DNAH3: variants seen among roughly 807,000 people sequenced by gnomAD.
The protein encoded by DNAH3 is dynein axonemal heavy chain 3, also known as axonemal beta dynein heavy chain 3.
Under a neutral mutation model 432.5 loss-of-function variants are expected in DNAH3, and 332 were observed. That is an observed-to-expected ratio of 0.77 (90% CI 0.70 to 0.84). The LOEUF is 0.84. Ranked by LOEUF, DNAH3 falls within the 40% of genes least tolerant of loss-of-function variation. The pLI, the probability that DNAH3 is intolerant of heterozygous loss-of-function variation, is 0.00. For missense variants in DNAH3, 4,861 were observed against 5,114.0 expected (o/e 0.95, Z 1.51); for synonymous variants, 1,956 against 1,900.2 (o/e 1.03, Z -0.76).
chr16:21,054,557 C>G, intron 27 of DNAH3, 23 bp from the exon 28 acceptor site: 1 of 1,552,130 alleles, frequency 6.4e-7, no homozygotes, highest in Non-Finnish European at 8.9e-7. Flanking sequence ...GAGGAGGGGA[C>G]AACTGGTTAC....
chr16:20,997,561 C>T, intron 43 of DNAH3, 99 bp from the exon 44 acceptor site: 1 of 1,367,018 alleles, frequency 7.3e-7, no homozygotes, highest in Non-Finnish European at 1.0e-6. Context: ...GGAATCTGTT[C>T]CCAGGTTTCC....
intron 1 of DNAH3, among the ~76,000 whole-genome samples, chr16:21,156,303 C>G (rs1050560555): frequency 2.0e-5 from 3 of 151,786 alleles, no homozygotes; most frequent in African/African-American, 7.3e-5. Context: ...GCAATCTCAG[C>G]TCACTGCAGC....
chr16:21,001,408 C>T (rs2087012383), intron 42 of DNAH3, among the ~76,000 whole-genome samples: 1 of 152,134 alleles, frequency 6.6e-6, no homozygotes. Flanking sequence ...CTGTGTTGTA[C>T]AACTACAGAG....
At chr16:21,010,902 GT>G (rs1183757459) in intron 41 of DNAH3, among the ~76,000 whole-genome samples, 3 of 129,180 alleles carry the variant, frequency 2.3e-5, no homozygotes, top group African/African-American at 8.5e-5. Context: ...TTTTTTTTTT[GT>G]TTTTTTTTGT....
chr16:21,133,780 G>A (rs1280290322), intron 7 of DNAH3, among the ~76,000 whole-genome samples: 1 of 152,154 alleles, frequency 6.6e-6, no homozygotes, highest in African/African-American at 2.4e-5. Flanking sequence ...TGGAGGTAAT[G>A]CCAAATTAAC....
At chr16:21,020,348 G>GTGTGTGTATGTATATATATATATA in intron 40 of DNAH3, among the ~76,000 whole-genome samples, 3 of 69,158 alleles carry the variant, frequency 4.3e-5, no homozygotes, top group African/African-American at 1.9e-4. Flanking sequence ...TATAGTGTGT[G>GTGTGTGTATGTATATATATATATA]TATATATATA....
At chr16:21,008,575 G>GT (rs199601100) in intron 41 of DNAH3, among the ~76,000 whole-genome samples, 1,747 of 152,174 alleles carry the variant, frequency 0.011, 16 homozygotes, top group South Asian at 0.021. Context: ...AAAACCTGGC[G>GT]TTTTTTCCCA....
At chr16:21,040,154 G>A (rs561585117) in intron 32 of DNAH3, among the ~76,000 whole-genome samples, 10 of 152,062 alleles carry the variant, frequency 6.6e-5, no homozygotes, top group South Asian at 6.3e-4. Flanking sequence ...GGCCCTATGC[G>A]GGTACATGTT....
intron 5 of DNAH3, among the ~76,000 whole-genome samples, chr16:21,138,022 T>A (rs1597468528): frequency 6.6e-6 from 1 of 151,630 alleles, no homozygotes; most frequent in Non-Finnish European, 1.5e-5. Context: ...CCAAGGCGGG[T>A]GGATCACCTG....
At chr16:21,060,478 TC>T (rs1455220759) in intron 25 of DNAH3, 122 bp from the exon 26 acceptor site, 1 of 676,296 alleles carries the variant, frequency 1.5e-6, no homozygotes, top group Non-Finnish European at 2.6e-6. Context: ...TGGCACCTTT[TC>T]AAGTCAATAT....
At chr16:21,036,393 GTTGT>G (rs913988325) in intron 35 of DNAH3, among the ~76,000 whole-genome samples, 1 of 152,066 alleles carries the variant, frequency 6.6e-6, no homozygotes, top group Non-Finnish European at 1.5e-5. Context: ...TTTGGTTTTG[GTTGT>G]TTGTTTTACC....
chr16:20,959,654 C>CAT (rs2084732238), intron 53 of DNAH3, among the ~76,000 whole-genome samples: 1 of 147,256 alleles, frequency 6.8e-6, no homozygotes, highest in Non-Finnish European at 1.5e-5. Context: ...CACACACACA[C>CAT]ACCCCAACAC....
chr16:21,037,888 G>C (rs2089250218), exon 34 of DNAH3: 1 of 1,614,218 alleles, frequency 6.2e-7, no homozygotes, highest in Non-Finnish European at 8.5e-7. Context: ...AGTAAGCACA[G>C]ACTTGACAGC....
intron 41 of DNAH3, among the ~76,000 whole-genome samples, chr16:21,005,839 CTTT>C (rs200954605): frequency 6.9e-5 from 9 of 130,712 alleles, no homozygotes; most frequent in East Asian, 2.2e-4. Flanking sequence ...TTGCTCTATT[CTTT>C]TTTTTTTTTT....
At chr16:21,061,448 T>C (rs913373477) in intron 25 of DNAH3, among the ~76,000 whole-genome samples, 30 of 151,936 alleles carry the variant, frequency 2.0e-4, no homozygotes, top group South Asian at 1.0e-3. Flanking sequence ...GGTCTCAAAC[T>C]CCTGACCTTA....
chr16:21,119,285 A>G (rs1384457226), intron 11 of DNAH3, among the ~76,000 whole-genome samples: 2 of 152,260 alleles, frequency 1.3e-5, no homozygotes, highest in East Asian at 1.9e-4. Context: ...TGCTCTTTCA[A>G]TGTGGTGGAT....
chr16:20,982,858 C>T lies in DNAH3; in HGVS notation c.7722G>A (p.Arg2574=), dbSNP rs565445344. The change falls in exon 49 of 62, where the codon AGG becomes AGA. Residue 2574 remains arginine, a synonymous_variant. Coordinates refer to ENST00000261383, the Ensembl canonical transcript of DNAH3. ...GCGAAGGGAACATCCGCAGGCGGTT[C>T]CTGAAGGCATCCCCTATTGGACTCA... The T allele has an allele frequency of 2.4e-5, 38 of 1,614,108 alleles. 2 individuals are homozygous for T. In the East Asian group the frequency reaches 5.6e-4, roughly 24 times the overall value.
chr16:20,979,642 A>G, intron 49 of DNAH3, 96 bp from the exon 50 acceptor site: 4 of 1,095,862 alleles, frequency 3.7e-6, no homozygotes, highest in Non-Finnish European at 5.5e-6. Flanking sequence ...GAGAAGGCAC[A>G]TACACTGACT....
chr16:20,938,221 G>T (rs980010404), intron 59 of DNAH3, among the ~76,000 whole-genome samples: 1 of 152,016 alleles, frequency 6.6e-6, no homozygotes, highest in South Asian at 2.1e-4. Context: ...GTTAAACCCC[G>T]TCTGTACTAA....
Sources: allele counts gnomAD v4.1 joint callset (sites outside exome capture counted in the v4.1 genomes callset), GRCh38; gene constraint gnomAD v4.1.1; transcripts MANE v1.5; gene names NCBI Gene and HGNC (gene_info 2026-07-23, HGNC 2026-07-21).